CLASP2: variants seen among roughly 807,000 people sequenced by gnomAD.
The protein encoded by CLASP2 is CLIP-associating protein 2.
A neutral mutation model predicts 194.4 loss-of-function variants in CLASP2; 47 were observed. That is an observed-to-expected ratio of 0.24 (90% CI 0.19 to 0.31). The LOEUF is 0.31. Among genes scored for constraint, CLASP2 ranks in the 10% least tolerant of loss-of-function variants. The pLI is 1.00. For missense variants in CLASP2, 1,445 were observed against 1,823.6 expected, an observed-to-expected ratio of 0.79 and a Z score of 3.78; for synonymous variants, 619 against 633.5, an observed-to-expected ratio of 0.98 and a Z score of 0.34.
intron 30 of CLASP2, among the ~76,000 whole-genome samples, chr3:33,549,977 T>C (rs1007157289): frequency 6.6e-6 from 1 of 152,114 alleles, no homozygotes; most frequent in Non-Finnish European, 1.5e-5. Context: ...GCTCAGACAA[T>C]CTGCCTGCCT....
intron 18 of CLASP2, among the ~76,000 whole-genome samples, chr3:33,598,616 T>C (rs2071149720): frequency 6.6e-6 from 1 of 152,228 alleles, no homozygotes. Flanking sequence ...TCCAATCTTA[T>C]AAGATGATAA....
chr3:33,585,864 ATC>A (rs1490393736), intron 21 of CLASP2, among the ~76,000 whole-genome samples: 3 of 152,186 alleles, frequency 2.0e-5, no homozygotes, highest in Non-Finnish European at 4.4e-5. Context: ...AATAATGATA[ATC>A]TGTTTCATTT....
chr3:33,594,228 A>T (rs1041236369), intron 20 of CLASP2, among the ~76,000 whole-genome samples: 4 of 152,202 alleles, frequency 2.6e-5, no homozygotes, highest in Non-Finnish European at 5.9e-5. Context: ...TATGAGACCA[A>T]ATAAAAAAGT....
At chr3:33,526,530 C>T (rs2054609423) in intron 34 of CLASP2, among the ~76,000 whole-genome samples, 1 of 152,156 alleles carries the variant, frequency 6.6e-6, no homozygotes. Context: ...ACAGTAACAG[C>T]AGGAGACTTC....
At chr3:33,586,340 G>A (rs1357603588) in intron 21 of CLASP2, among the ~76,000 whole-genome samples, 1 of 151,970 alleles carries the variant, frequency 6.6e-6, no homozygotes, top group African/African-American at 2.4e-5. Flanking sequence ...TCACCATGTC[G>A]GCTAGGCTGG....
chr3:33,690,545 T>C (rs1361999421), intron 2 of CLASP2, among the ~76,000 whole-genome samples: 1 of 152,120 alleles, frequency 6.6e-6, no homozygotes, highest in Non-Finnish European at 1.5e-5. Context: ...AGCAAGAAAA[T>C]TTGCCTTGTT....
intron 32 of CLASP2, among the ~76,000 whole-genome samples, chr3:33,540,790 T>G (rs2058220631): frequency 6.6e-6 from 1 of 151,666 alleles, no homozygotes; most frequent in Non-Finnish European, 1.5e-5. Context: ...TTTTTTTTTT[T>G]GAGACGGAGC....
intron 1 of CLASP2, among the ~76,000 whole-genome samples, chr3:33,713,015 A>G (rs1262386032): frequency 6.7e-5 from 6 of 89,674 alleles, no homozygotes; most frequent in Admixed American, 3.0e-4. Context: ...TCCACCTCAA[A>G]AAAAAAAAAA....
intron 24 of CLASP2, 73 bp from the exon 25 acceptor site, chr3:33,573,427 C>A: frequency 2.7e-6 from 4 of 1,456,166 alleles, no homozygotes; most frequent in Non-Finnish European, 3.8e-6. Flanking sequence ...CTACTGACCA[C>A]AAAAGGATTG....
chr3:33,605,615 G>T (rs1456047170), intron 16 of CLASP2, among the ~76,000 whole-genome samples: 1 of 152,072 alleles, frequency 6.6e-6, no homozygotes, highest in African/African-American at 2.4e-5. Flanking sequence ...CAAAAAGAAA[G>T]AAATTACAGA....
chr3:33,571,077 G>A (rs1395757280), intron 25 of CLASP2, among the ~76,000 whole-genome samples: 2 of 146,066 alleles, frequency 1.4e-5, no homozygotes, highest in Non-Finnish European at 3.0e-5. Context: ...GCAGTGGCGC[G>A]ATCTCGGCTC....
chr3:33,603,095 A>G lies in CLASP2; in HGVS notation c.1781T>C (p.Leu594Pro). 1.3e-6 allele frequency: 2 copies of G among 1,588,950 alleles called. No individual in the cohort carries two copies. Among genetic ancestry groups the G allele is most frequent in the Non-Finnish European group, 1.7e-6 (2 of 1,166,138 alleles). Residue 594 changes from leucine (L) to proline (P), a missense_variant, in exon 18 of 39, where the codon CTT (leucine) becomes CCT (proline). Leu to Pro is a moderately conservative substitution (Grantham distance 98, BLOSUM62 -3). This residue lies in a region of CLASP2 where 174 missense variants were observed against 179.0 expected (regional missense o/e 0.97). Coordinates refer to ENST00000682230, the MANE Select transcript of CLASP2 (RefSeq NM_001365631.1). ...TCGTGAACGCTGCAGGCTTCCTGGAAGGGAACTGGCTTTGCTGCTGCCTGC... is the reference window on the plus strand; with the variant it reads ...TCGTGAACGCTGCAGGCTTCCTGGAGGGGAACTGGCTTTGCTGCTGCCTGC... ...VSAGSSKASSLPGSLQRSRSD... is the reference protein window; with the variant it reads ...VSAGSSKASSPPGSLQRSRSD...
intron 7 of CLASP2, chr3:33,658,898 C>G (rs2084787140): frequency 1.5e-6 from 2 of 1,318,060 alleles, no homozygotes; most frequent in Non-Finnish European, 1.1e-6. Context: ...AAATATATTT[C>G]TTACACAGCA....
intron 29 of CLASP2, among the ~76,000 whole-genome samples, chr3:33,554,320 T>A (rs1251113550): frequency 6.6e-6 from 1 of 152,094 alleles, no homozygotes; most frequent in Non-Finnish European, 1.5e-5. Context: ...GGAATACTAT[T>A]CAGCCTTACA....
chr3:33,685,298 C>T (rs1014182578), intron 5 of CLASP2, among the ~76,000 whole-genome samples: 6 of 129,830 alleles, frequency 4.6e-5, no homozygotes, highest in African/African-American at 1.4e-4. Flanking sequence ...GCCAGGATCA[C>T]GCCATTGCTC....
chr3:33,695,997 AAC>A (rs2091857223), intron 2 of CLASP2, among the ~76,000 whole-genome samples: 1 of 152,338 alleles, frequency 6.6e-6, no homozygotes, highest in South Asian at 2.1e-4. Flanking sequence ...CTGTACTACA[AAC>A]ACACTGTAAG....
chr3:33,684,367 G>A lies in CLASP2; in HGVS notation c.636C>T (p.Pro212=). The A allele has an allele frequency of 1.3e-6, 2 of 1,578,086 alleles. No homozygotes were observed. Among genetic ancestry groups the A allele is most frequent in the Non-Finnish European group, 8.6e-7 (1 of 1,162,946 alleles). Residue 212 remains proline, a synonymous_variant, in exon 6 of 39, where the codon CCC becomes CCT. Transcript: ENST00000682230. Reference sequence around the variant, plus strand: ...AATTTAGCAAGACTTACCTAGCAGGGGGAATTCCTCTCTTATAAAGATCCA... The same window carrying A: ...AATTTAGCAAGACTTACCTAGCAGGAGGAATTCCTCTCTTATAAAGATCCA... ...VRMDLYKRGI[P]PARLEMIFAK... is the part of the protein sequence containing the mutation.
chr3:33,673,572 G>A (rs1191245597), intron 6 of CLASP2, among the ~76,000 whole-genome samples: 4 of 151,902 alleles, frequency 2.6e-5, no homozygotes, highest in Non-Finnish European at 4.4e-5. Flanking sequence ...ATAATGACAG[G>A]ATCAAATTCA....
chr3:33,603,086 C>T lies in CLASP2; in HGVS notation c.1790G>A (p.Ser597Asn), dbSNP rs117166070. The T allele has an allele frequency of 4.7e-5, 75 of 1,590,876 alleles. No homozygotes were observed. In the East Asian group the frequency reaches 1.2e-3, roughly 26 times the overall value. The change falls in exon 18 of 39, where the codon AGC becomes AAC. Residue 597 changes from serine (S) to asparagine (N), a missense_variant. By Grantham distance (46) the Ser-to-Asn change is conservative. This residue lies in a region of CLASP2 where 174 missense variants were observed against 179.0 expected (regional missense o/e 0.97). Transcript: ENST00000682230. ...GSSKASSLPG[S>N]LQRSRSDIDV... Reference sequence around the variant, plus strand: ...AATGTCACTTCGTGAACGCTGCAGGCTTCCTGGAAGGGAACTGGCTTTGCT... The same window carrying T: ...AATGTCACTTCGTGAACGCTGCAGGTTTCCTGGAAGGGAACTGGCTTTGCT...
Sources: allele counts gnomAD v4.1 joint callset (sites outside exome capture counted in the v4.1 genomes callset), GRCh38; gene constraint gnomAD v4.1.1; regional missense constraint gnomAD v4.1.1; transcripts MANE v1.5; gene names NCBI Gene and HGNC (gene_info 2026-07-23, HGNC 2026-07-21).